CROCC: variants seen among roughly 807,000 people sequenced by gnomAD.
CROCC encodes ciliary rootlet coiled-coil, rootletin.
Under a neutral mutation model 245.2 loss-of-function variants are expected in CROCC, and 180 were observed. The observed-to-expected ratio is 0.73, with a 90% CI of 0.65 to 0.83. CROCC has a LOEUF of 0.83. Among genes scored for constraint, CROCC ranks in the 40% least tolerant of loss-of-function variants. CROCC has a pLI of 0.00. For missense variants in CROCC, 2,688 were observed against 2,779.4 expected (o/e 0.97, Z 0.74); for synonymous variants, 1,205 against 1,241.6 (o/e 0.97, Z 0.62).
chr1:16,969,287 C>G lies in CROCC; in HGVS notation c.5248C>G (p.Leu1750Val). ...CCTCAACAGCACCCGGGACAAGAAC[C>G]TGCATCTGCAGAAGGCTCTGACCGC... ...ASLNSTRDKN[L>V]HLQKALTACE... Residue 1750 changes from leucine (L) to valine (V), a missense_variant, in exon 32 of 37, where the codon CTG becomes GTG. Leu to Val is a conservative substitution (Grantham distance 32). This residue lies in a region of CROCC where 1,218 missense variants were observed against 1,286.3 expected (regional missense o/e 0.95). Transcript: ENST00000375541. 6.2e-7 allele frequency: 1 copy of G among 1,613,024 alleles called. No individual in the cohort carries two copies. Among genetic ancestry groups the G allele is most frequent in the Non-Finnish European group, 8.5e-7 (1 of 1,179,876 alleles).
At chr1:16,929,209 G>A (rs1176569696) in intron 3 of CROCC, among the ~76,000 whole-genome samples, 8 of 152,270 alleles carry the variant, frequency 5.3e-5, no homozygotes, top group African/African-American at 1.7e-4. Flanking sequence ...TGTATATGAG[G>A]GGGTTCCTTC....
Position 16,958,642 on chromosome 1 carries a change from C to A in CROCC, c.3924C>A (p.Gly1308=). Residue 1308 remains glycine, a synonymous_variant, in exon 26 of 37, where the codon GGC becomes GGA. Transcript: ENST00000375541. Reference sequence around the variant, plus strand: ...GCCGGGAGCTGGCGGAGCTGCAGGGCCGCCTGGCGCTGGGCGAGCGGGCAG... The same window carrying A: ...GCCGGGAGCTGGCGGAGCTGCAGGGACGCCTGGCGCTGGGCGAGCGGGCAG... ...RLGRELAELQ[G]RLALGERAEK... 2 of 1,555,780 alleles carry A rather than the reference C, an allele frequency of 1.3e-6. No homozygotes were observed. Among genetic ancestry groups the A allele is most frequent in the Non-Finnish European group, 8.7e-7 (1 of 1,150,148 alleles).
chr1:16,938,882 C>T, intron 11 of CROCC, 27 bp from the exon 12 acceptor site: 3 of 1,601,034 alleles, frequency 1.9e-6, no homozygotes, highest in South Asian at 1.1e-5. Flanking sequence ...TCAGCAGCCT[C>T]CTTCTGCCTC....
chr1:16,915,882 A>G (rs1055299553), intron 1 of CROCC, among the ~76,000 whole-genome samples: 1 of 152,240 alleles, frequency 6.6e-6, no homozygotes, highest in Non-Finnish European at 1.5e-5. Flanking sequence ...TTGAGGAATC[A>G]AGAAGGCCAT....
In CROCC at chr1:16,938,409, C is replaced by G; in HGVS notation, c.1300C>G (p.Arg434Gly). The change falls in exon 11 of 37, where the codon CGG (arginine) becomes GGG (glycine). Residue 434 changes from arginine to glycine, a missense_variant. This residue lies in a region of CROCC where 972 missense variants were observed against 895.3 expected (regional missense o/e 1.09). Transcript: ENST00000375541. Reference protein sequence around the residue: ...TEKLEALESLRLQEQAALETE... With the variant: ...TEKLEALESLGLQEQAALETE... ...CCTAACCGCACTCCAGGAATCCCTGCGGCTACAGGAGCAGGCGGCCCTGGA... is the reference window on the plus strand; with the variant it reads ...CCTAACCGCACTCCAGGAATCCCTGGGGCTACAGGAGCAGGCGGCCCTGGA... The G allele has an allele frequency of 1.3e-6, 2 of 1,566,844 alleles. No homozygotes were observed. The highest frequency in any genetic ancestry group is 1.7e-6 in the Non-Finnish European group (2 of 1,156,368).
At chr1:16,938,020 G>A (rs1393388264) in intron 10 of CROCC, among the ~76,000 whole-genome samples, 54 of 152,380 alleles carry the variant, frequency 3.5e-4, no homozygotes, top group East Asian at 2.1e-3. Flanking sequence ...CGGGAGAGTC[G>A]GGACTTGAAC....
At chr1:16,951,242 G>A in intron 20 of CROCC, 120 bp downstream of exon 20, 1 of 914,478 alleles carries the variant, frequency 1.1e-6, no homozygotes, top group Non-Finnish European at 1.5e-6. Flanking sequence ...GAGGTCCTGG[G>A]GACAGCTAGG....
intron 26 of CROCC, among the ~76,000 whole-genome samples, chr1:16,959,903 C>T (rs1570696183): frequency 6.6e-6 from 1 of 151,734 alleles, no homozygotes; most frequent in African/African-American, 2.4e-5. Context: ...CCCCACCCCC[C>T]AGGGCTGTGA....
chr1:16,946,805 AG>A lies in CROCC; in HGVS notation c.2329del (p.Glu777SerfsTer14). 1.9e-6 allele frequency: 3 copies of A among 1,552,494 alleles called. No homozygotes were observed. The highest frequency in any genetic ancestry group is 2.6e-6 in the Non-Finnish European group (3 of 1,147,634). The stretch of plus-strand genomic sequence containing the variant: ...CCCTGCAGGGCCGGCAACGGCAGGC[AG>A]AGCAGGAGGCCACAGTGGCGCGGGA... ...SALQGRQRQA[E>X]QEATVAREEQ... is the part of the protein sequence containing the mutation. On this transcript the variant is annotated frameshift_variant, in exon 17 of 37. Transcript: ENST00000375541. LOFTEE classifies it high-confidence loss of function.
intron 35 of CROCC, 97 bp from the exon 36 acceptor site, chr1:16,971,368 C>T: frequency 1.4e-6 from 2 of 1,430,594 alleles, no homozygotes; most frequent in Non-Finnish European, 1.8e-6. Context: ...TCCCCCTCTG[C>T]ACTGGCCGTG....
chr1:16,964,645 A>G (rs2100541697), intron 27 of CROCC, among the ~76,000 whole-genome samples: 1 of 151,806 alleles, frequency 6.6e-6, no homozygotes, highest in East Asian at 2.0e-4. Flanking sequence ...GGCATCCCAA[A>G]GTGCTGGGAT....
intron 25 of CROCC, 118 bp from the exon 26 acceptor site, chr1:16,958,465 T>G: frequency 1.7e-5 from 20 of 1,208,214 alleles, no homozygotes; most frequent in Non-Finnish European, 2.0e-5. Context: ...TCCCAGTGGA[T>G]GTGGGGTGGT....
Position 16,954,231 on chromosome 1 carries a change from T to C in CROCC, c.3195T>C (p.Ser1065=), listed in dbSNP as rs747978884. The C allele has an allele frequency of 6.2e-7, 1 of 1,610,864 alleles. No individual in the cohort carries two copies. The highest frequency in any genetic ancestry group is 1.7e-5 in the Admixed American group (1 of 59,970). ...LAESEKQQAL[S]LKESEKTALS... ...CCCCTGCCTCTGCCCAGGCCTTGTC[T>C]CTGAAGGAGTCTGAGAAGACGGCGC... The change falls in exon 22 of 37, where the codon TCT becomes TCC. Residue 1065 remains serine (S), a synonymous_variant. Coordinates refer to ENST00000375541, the MANE Select transcript of CROCC (RefSeq NM_014675.5). This position sits in a 1 kb window ranked among gnomAD's most constrained non-coding sequence, Gnocchi z 4.4.
At chr1:16,922,215 G>A (rs1253140917) in intron 1 of CROCC, 137 bp downstream of exon 1, 28 of 896,526 alleles carry the variant, frequency 3.1e-5, no homozygotes, top group South Asian at 1.1e-4. Context: ...GGGGCCCCCC[G>A]CTTGCAGTTC....
rs1414663781 is a variant in CROCC at position 16,972,511 on chromosome 1, G to A, written c.*65G>A. On this transcript the variant is annotated 3_prime_UTR_variant, in exon 37 of 37. Coordinates refer to ENST00000375541, the MANE Select transcript of CROCC (RefSeq NM_014675.5). Reference sequence around the variant, plus strand: ...CAGGGGAGGACCCTTCTTTTGGACAGCCCCCCCACCCAGAGCCCGGTCCCT... The same window carrying A: ...CAGGGGAGGACCCTTCTTTTGGACAACCCCCCCACCCAGAGCCCGGTCCCT... 5 of 820,234 alleles carry A rather than the reference G, an allele frequency of 6.1e-6. No homozygotes were observed. Among genetic ancestry groups the A allele is most frequent in the Admixed American group, 7.4e-5 (2 of 27,132 alleles). The allele number at this position is 820,234 out of a possible 1,614,324, so 50.8% of individuals were successfully genotyped here.
chr1:16,970,236 C>T lies in CROCC; in HGVS notation c.5452-17C>T. On this transcript the variant is annotated splice_polypyrimidine_tract_variant and intron_variant, in intron 33 of 36. Coordinates refer to ENST00000375541, the MANE Select transcript of CROCC (RefSeq NM_014675.5). ...CAGGCCCAGAGGGATTCGGGGCCTG[C>T]CTGGCTTCTGTTGCAGGTGCTGCGG... is the stretch of plus-strand genomic sequence containing the variant. The T allele has an allele frequency of 1.3e-6, 2 of 1,533,956 alleles. No homozygotes were observed. The highest frequency in any genetic ancestry group is 2.4e-5 in the South Asian group (2 of 83,518).
rs74058342 is a variant in CROCC, at chr1:16,968,190, A to G, written c.4861-13A>G. 0.064 allele frequency: 99,123 copies of G among 1,554,496 alleles called. 6,024 individuals are homozygous for G. Among genetic ancestry groups the G allele is most frequent in the African/African-American group, 0.32 (23,158 of 73,372 alleles). The stretch of plus-strand genomic sequence containing the variant: ...CACTGGACGTCTGGGCCTGAGCCCC[A>G]TGCCACCTGCAGGAGAAGATCAGCA... On this transcript the variant is annotated splice_polypyrimidine_tract_variant and intron_variant, in intron 30 of 36. Transcript: ENST00000375541.
chr1:16,955,657 G>A, intron 24 of CROCC, 107 bp downstream of exon 24: 2 of 1,046,984 alleles, frequency 1.9e-6, no homozygotes, highest in Non-Finnish European at 2.7e-6. Flanking sequence ...CGGATCCTCT[G>A]TCTCCTAAGC....
At chr1:16,929,229 G>A (rs7552190) in intron 3 of CROCC, among the ~76,000 whole-genome samples, 9,402 of 150,766 alleles carry the variant, frequency 0.062, 82 homozygotes, top group African/African-American at 0.12. Flanking sequence ...CGTGTCCTCC[G>A]GGAATGTTTG....
Sources: gnomAD v4.1 joint callset for allele counts (sites outside exome capture counted in the v4.1 genomes callset) on GRCh38, gnomAD v4.1.1 for gene constraint, gnomAD v4.1.1 regional missense constraint, Gnocchi (gnomAD v3.1) non-coding constraint, MANE v1.5 for transcripts, NCBI Gene and HGNC (gene_info 2026-07-23, HGNC 2026-07-21) for gene names.